The following WDFY3 variants were observed in gnomAD, a reference collection of about 807,000 sequenced individuals.
WDFY3 encodes WD repeat and FYVE domain containing 3, also known as WD repeat and FYVE domain-containing protein 3.
Under a neutral mutation model 409.6 loss-of-function variants are expected in WDFY3, and 66 were observed. That is an observed-to-expected ratio of 0.16 (90% CI 0.13 to 0.20). The LOEUF is 0.20. Among genes scored for constraint, WDFY3 ranks in the 10% least tolerant of loss-of-function variants. The pLI, the probability that WDFY3 is intolerant of heterozygous loss-of-function variation, is 1.00. For synonymous variants in WDFY3, 1,521 were observed against 1,537.1 expected, an observed-to-expected ratio of 0.99 and a Z score of 0.25; for missense variants, 3,031 against 4,298.1, an observed-to-expected ratio of 0.71 and a Z score of 8.24.
intron 67 of WDFY3, among the ~76,000 whole-genome samples, chr4:84,674,893 G>T (rs1221785162): frequency 6.7e-5 from 10 of 150,184 alleles, no homozygotes; most frequent in African/African-American, 1.9e-4. Flanking sequence ...AAAAATAAAA[G>T]ATATATATAT....
At chr4:84,842,880 C>T (rs1244487305) in intron 5 of WDFY3, among the ~76,000 whole-genome samples, 2 of 152,180 alleles carry the variant, frequency 1.3e-5, no homozygotes, top group African/African-American at 4.8e-5. Flanking sequence ...TGTATTTTTT[C>T]TTCAACTTAA....
chr4:84,908,591 C>A (rs1462588793), intron 2 of WDFY3, among the ~76,000 whole-genome samples: 2 of 152,150 alleles, frequency 1.3e-5, no homozygotes, highest in South Asian at 4.1e-4. Context: ...TTCTAATGTA[C>A]CTCATCAGAA....
chr4:84,736,395 T>A, intron 41 of WDFY3, 68 bp from the exon 42 acceptor site: 1 of 1,428,162 alleles, frequency 7.0e-7, no homozygotes, highest in Non-Finnish European at 9.3e-7. Flanking sequence ...CTTTAAAAAC[T>A]TATCTGGTTA....
intron 2 of WDFY3, among the ~76,000 whole-genome samples, chr4:84,905,770 A>G (rs1317277126): frequency 6.6e-6 from 1 of 152,020 alleles, no homozygotes; most frequent in African/African-American, 2.4e-5. Context: ...CTACCTTTCA[A>G]ACTTCATTCC....
chr4:84,806,941 T>C (rs1247701312), intron 15 of WDFY3, among the ~76,000 whole-genome samples: 4 of 152,192 alleles, frequency 2.6e-5, no homozygotes, highest in Non-Finnish European at 5.9e-5. Flanking sequence ...CCTTTTAATC[T>C]GTGTATTTTT....
intron 1 of WDFY3, among the ~76,000 whole-genome samples, chr4:84,938,306 T>C (rs1771693206): frequency 6.6e-6 from 1 of 152,206 alleles, no homozygotes; most frequent in African/African-American, 2.4e-5. Context: ...AACAACTAGA[T>C]TTTTGATGTA....
chr4:84,719,653 T>TATAC (rs1008604403), intron 47 of WDFY3, among the ~76,000 whole-genome samples: 49 of 152,270 alleles, frequency 3.2e-4, no homozygotes, highest in South Asian at 2.1e-4. Flanking sequence ...ATTTTATGCA[T>TATAC]ATACATACAT....
rs1427288423 is a variant in WDFY3 at position 84,897,446 on chromosome 4, G to A, written c.-131-436C>T. On this transcript the variant is annotated intron_variant, in intron 2 of 67. Transcript: ENST00000295888. ...CACCCAGGCTGGAGTGCAATGGCCT[G>A]ATCTTGGCTTACTGCAATCTCCACC... Among the ~76,000 whole-genome samples, 5 of 152,200 alleles carry A rather than the reference G, an allele frequency of 3.3e-5. No individual in the cohort carries two copies. The East Asian group carries it at 9.7e-4, about 29-fold the overall frequency.
At chr4:84,748,936 C>T (rs546064445) in intron 36 of WDFY3, among the ~76,000 whole-genome samples, 1 of 151,390 alleles carries the variant, frequency 6.6e-6, no homozygotes, top group African/African-American at 2.4e-5. Flanking sequence ...GGCTGGAATG[C>T]ATTGGAATGC....
chr4:84,677,100 G>T, intron 67 of WDFY3, 99 bp downstream of exon 67: 3 of 1,396,104 alleles, frequency 2.1e-6, no homozygotes, highest in South Asian at 2.7e-5. Flanking sequence ...GCATACTGTA[G>T]TGGGGACGCC....
chr4:84,746,076 G>A (rs1739387672), intron 36 of WDFY3, among the ~76,000 whole-genome samples: 1 of 151,046 alleles, frequency 6.6e-6, no homozygotes, highest in African/African-American at 2.4e-5. Flanking sequence ...GGGAGGCTAA[G>A]GCAGGTGGAT....
chr4:84,764,698 A>G lies in WDFY3; in HGVS notation c.5188+1112T>C, dbSNP rs185445174. Among the ~76,000 whole-genome samples, 1,144 of 142,124 alleles carry G rather than the reference A, an allele frequency of 8.0e-3. 5 individuals are homozygous for G. Among genetic ancestry groups the G allele is most frequent in the Non-Finnish European group, 0.012 (794 of 64,922 alleles). The allele number at this position is 142,124 out of a possible 152,430, so 93.2% of individuals were successfully genotyped here. ...AACATGGTGAAACCCCGTCTCTACT[A>G]AAAAAAAAAAAATACAAAAAATTAG... On this transcript the variant is annotated intron_variant, in intron 32 of 67. Transcript: ENST00000295888.
At chr4:84,779,991 T>G in intron 26 of WDFY3, 117 bp downstream of exon 26, 1 of 1,168,488 alleles carries the variant, frequency 8.6e-7, no homozygotes, top group Non-Finnish European at 1.2e-6. Flanking sequence ...TACTGTCTCT[T>G]TAAGTTTCCT....
Position 84,849,920 on chromosome 4 carries a change from C to A in WDFY3, c.286G>T (p.Ala96Ser), listed in dbSNP as rs1445484999. Residue 96 changes from alanine to serine, a missense_variant, in exon 5 of 68, where the codon GCA (alanine) becomes TCA (serine). Physicochemically the swap from Ala to Ser is moderately conservative, Grantham distance 99. This residue lies in a region of WDFY3 where 1,322 missense variants were observed against 1,697.9 expected (regional missense o/e 0.78). Transcript: ENST00000295888. ...AAAATACCTGTGGATTTGTTTGATG[C>A]TCTCCTTCGAATTTCTGTCACCATT... The part of the protein sequence containing the change: ...RLMVTEIRRR[A>S]SNKSTEAASR... The A allele has an allele frequency of 6.2e-7, 1 of 1,611,698 alleles. No homozygotes were observed. The highest frequency in any genetic ancestry group is 8.5e-7 in the Non-Finnish European group (1 of 1,179,442).
chr4:84,684,221 GC>G, intron 62 of WDFY3, 96 bp from the exon 63 acceptor site: 1 of 1,268,918 alleles, frequency 7.9e-7, no homozygotes, highest in Non-Finnish European at 1.0e-6. Context: ...TTCTCAGAAA[GC>G]CTTTCAGTCC....
intron 24 of WDFY3, among the ~76,000 whole-genome samples, chr4:84,784,799 T>C (rs763586730): frequency 4.8e-5 from 7 of 147,140 alleles, no homozygotes; most frequent in Non-Finnish European, 1.0e-4. Flanking sequence ...GATCACACCA[T>C]TGCACTCTAG....
chr4:84,913,997 C>A (rs1768123856), intron 2 of WDFY3, among the ~76,000 whole-genome samples: 2 of 152,108 alleles, frequency 1.3e-5, no homozygotes, highest in Admixed American at 1.3e-4. Context: ...ATGGTAAATA[C>A]ATTTTCTCTT....
At chr4:84,711,307 TCAAAAAG>T (rs1341406417) in intron 51 of WDFY3, among the ~76,000 whole-genome samples, 1 of 152,094 alleles carries the variant, frequency 6.6e-6, no homozygotes, top group Non-Finnish European at 1.5e-5. Flanking sequence ...AATGTAAATG[TCAAAAAG>T]CAAAATTTAG....
At chr4:84,696,268 G>T in intron 57 of WDFY3, 86 bp from the exon 58 acceptor site, 1 of 1,222,854 alleles carries the variant, frequency 8.2e-7, no homozygotes, top group Non-Finnish European at 1.2e-6. Context: ...TGGTTAATAG[G>T]AACTAAAATA....
Sources: allele counts gnomAD v4.1 joint callset (sites outside exome capture counted in the v4.1 genomes callset), GRCh38; gene constraint gnomAD v4.1.1; regional missense constraint gnomAD v4.1.1; transcripts MANE v1.5; gene names NCBI Gene and HGNC (gene_info 2026-07-23, HGNC 2026-07-21).